Variants in ZNF688 observed in about 807,000 individuals in gnomAD.
The protein encoded by ZNF688 is zinc finger protein 688.
ZNF688 carries 10 observed loss-of-function variants against 13.2 expected under a neutral mutation model. The ratio of observed to expected loss-of-function variants is 0.76; its 90% CI spans 0.47 to 1.28. ZNF688 has a LOEUF of 1.28. Ranked by LOEUF, ZNF688 falls within the 50% of genes most tolerant of loss-of-function variation. The probability of loss-of-function intolerance (pLI) is 0.00; values close to 1 mark genes in which losing one functional copy is unlikely to be tolerated. For missense variants in ZNF688, 381 were observed against 391.4 expected (o/e 0.97, Z 0.22); for synonymous variants, 160 against 159.4 (o/e 1.00, Z -0.03).
At chr16:30,572,031 C>T, upstream of ZNF688, 9 of 1,414,594 alleles carry the variant, frequency 6.4e-6, no homozygotes, top group Non-Finnish European at 8.4e-6. Flanking sequence ...GCTTCGGCTG[C>T]TTTTTCTAGT....
upstream of ZNF688, among the ~76,000 whole-genome samples, chr16:30,576,709 T>C (rs928553023): frequency 3.9e-5 from 6 of 152,184 alleles, no homozygotes; most frequent in Admixed American, 3.3e-4. Flanking sequence ...CATTTTTTCA[T>C]GTACCTGTTG....
chr16:30,573,154 G>T (rs918453455), upstream of ZNF688, among the ~76,000 whole-genome samples: 3 of 152,130 alleles, frequency 2.0e-5, no homozygotes, highest in African/African-American at 7.2e-5. Context: ...TGATCCTCCC[G>T]CCTCAGCCTC....
At chr16:30,577,225 G>A (rs1343495904), upstream of ZNF688, among the ~76,000 whole-genome samples, 1 of 152,090 alleles carries the variant, frequency 6.6e-6, no homozygotes, top group Non-Finnish European at 1.5e-5. Flanking sequence ...TGGCTATTTG[G>A]ATTCTCCTTT....
intron 1 of ZNF688, 21 bp from the exon 2 acceptor site, chr16:30,571,144 C>A: frequency 6.4e-7 from 1 of 1,562,054 alleles, no homozygotes; most frequent in South Asian, 1.2e-5. Context: ...ACAGGGATCA[C>A]AGCGCGGGCC....
chr16:30,575,997 G>A (rs774079697), upstream of ZNF688, among the ~76,000 whole-genome samples: 2 of 152,090 alleles, frequency 1.3e-5, no homozygotes, highest in Non-Finnish European at 2.9e-5. Context: ...TACCTGTCAT[G>A]TTTTGTCTTC....
upstream of ZNF688, among the ~76,000 whole-genome samples, chr16:30,574,873 G>A (rs949616639): frequency 3.3e-5 from 5 of 152,060 alleles, no homozygotes; most frequent in Non-Finnish European, 2.9e-5. Context: ...TCCCACCCAC[G>A]TACACCCTTC....
chr16:30,578,838 T>C, the ZNF688 span: 1 of 151,140 alleles, frequency 6.6e-6, no homozygotes, highest in Non-Finnish European at 1.5e-5. Flanking sequence ...GCTCTTTTTT[T>C]TTTTTAATAG....
chr16:30,575,248 CT>C (rs35676278), upstream of ZNF688, among the ~76,000 whole-genome samples: 60,305 of 139,628 alleles, frequency 0.43, 14,172 homozygotes, highest in African/African-American at 0.66. Context: ...CATGGTAGTT[CT>C]TTTTTTTTTT....
In ZNF688 at chr16:30,570,204, C is replaced by T; in HGVS notation, c.543G>A (p.Arg181=). ...GGCCGCAGTCCGTGCACACGTGGCG[C>T]CGCTGGCCGGCCTGAGCATCCATGC... ...IPSMDAQAGQ[R]RHVCTDCGRR... The change falls in exon 3 of 3, where the codon CGG becomes CGA. Residue 181 remains arginine (R), a synonymous_variant. Transcript: ENST00000223459. The T allele has an allele frequency of 6.2e-7, 1 of 1,612,230 alleles. No homozygotes were observed. The highest frequency in any genetic ancestry group is 1.1e-5 in the South Asian group (1 of 91,000).
intron 2 of ZNF688, chr16:30,570,791 C>T: frequency 2.3e-6 from 1 of 441,236 alleles, no homozygotes; most frequent in South Asian, 5.4e-5. Flanking sequence ...CTCACTCTGT[C>T]ACCCAGGCTG....
At chr16:30,572,186 G>T (rs763842879), upstream of ZNF688, 2 of 1,607,850 alleles carry the variant, frequency 1.2e-6, no homozygotes, top group Admixed American at 3.4e-5. Flanking sequence ...GCTGCGCGGT[G>T]ATTGGCCTGG....
At chr16:30,575,876 G>T (rs944805137), upstream of ZNF688, among the ~76,000 whole-genome samples, 31 of 151,706 alleles carry the variant, frequency 2.0e-4, no homozygotes, top group Non-Finnish European at 8.8e-5. Context: ...GGCTGATCTT[G>T]AACTCCCGAC....
upstream of ZNF688, chr16:30,572,160 G>A (rs1266802456): frequency 6.2e-7 from 1 of 1,604,912 alleles, no homozygotes; most frequent in Non-Finnish European, 8.5e-7. Context: ...GATGATTGGC[G>A]ACGATCCCGG....
At chr16:30,578,060 C>A in the ZNF688 span, among the ~76,000 whole-genome samples, 6 of 152,208 alleles carry the variant, frequency 3.9e-5, no homozygotes, top group South Asian at 1.2e-3. Context: ...AAAAATTGGC[C>A]GGGCACAGTG....
chr16:30,574,238 C>T (rs768486247), upstream of ZNF688, among the ~76,000 whole-genome samples: 2 of 151,168 alleles, frequency 1.3e-5, no homozygotes, highest in Admixed American at 6.6e-5. Flanking sequence ...AGAGTGAGAC[C>T]CCGTCTCAAA....
upstream of ZNF688, chr16:30,572,070 G>A (rs1597140522): frequency 6.8e-7 from 1 of 1,472,456 alleles, no homozygotes; most frequent in Admixed American, 2.4e-5. Context: ...GGGAAGTAGA[G>A]GAGAGGCTTC....
At chr16:30,575,992 G>C (rs1267465149), upstream of ZNF688, among the ~76,000 whole-genome samples, 5 of 152,094 alleles carry the variant, frequency 3.3e-5, no homozygotes, top group South Asian at 2.1e-4. Context: ...GCCAATACCT[G>C]TCATGTTTTG....
chr16:30,569,734 A>C lies in ZNF688; in HGVS notation c.*182T>G, dbSNP rs1484310056. 3 of 298,612 alleles carry C rather than the reference A, an allele frequency of 1.0e-5. No individual in the cohort carries two copies. The highest frequency in any genetic ancestry group is 1.1e-5 in the Non-Finnish European group (2 of 180,662). 18.5% of individuals were successfully genotyped at this position (298,612 alleles called of 1,614,324 possible). A position where few individuals can be genotyped will look rare whatever the true frequency, so the allele number is the denominator to read the frequency against. Reference sequence around the variant, plus strand: ...ACAAAAGACTGGGGAGATGGGTGGCAAGTCTAATCTATTCGAATCTTTACA... The same window carrying C: ...ACAAAAGACTGGGGAGATGGGTGGCCAGTCTAATCTATTCGAATCTTTACA... On this transcript the variant is annotated 3_prime_UTR_variant, in exon 3 of 3. Coordinates refer to ENST00000223459, the MANE Select transcript of ZNF688 (RefSeq NM_145271.4).
Position 30,569,768 on chromosome 16 carries a change from T to A in ZNF688, c.*148A>T. ...CTATTCGAATCTTTACAGGCACTTT[T>A]CTTTTTACAAGTTGGAAACTTGAGG... is the stretch of plus-strand genomic sequence containing the variant. On this transcript the variant is annotated 3_prime_UTR_variant, in exon 3 of 3. Coordinates refer to ENST00000223459, the MANE Select transcript of ZNF688 (RefSeq NM_145271.4). The A allele has an allele frequency of 2.1e-6, 2 of 947,216 alleles. No homozygotes were observed. Among genetic ancestry groups the A allele is most frequent in the Non-Finnish European group, 2.9e-6 (2 of 689,252 alleles). 58.7% of individuals were successfully genotyped at this position (947,216 alleles called of 1,614,324 possible). A position where few individuals can be genotyped will look rare whatever the true frequency, so the allele number is the denominator to read the frequency against.
Sources: gnomAD v4.1 joint callset for allele counts (sites outside exome capture counted in the v4.1 genomes callset) on GRCh38, gnomAD v4.1.1 for gene constraint, MANE v1.5 for transcripts, NCBI Gene and HGNC (gene_info 2026-07-23, HGNC 2026-07-21) for gene names.